SEMA3A: variants seen among roughly 807,000 people sequenced by gnomAD.
SEMA3A encodes semaphorin 3A, also known as semaphorin-3A.
Under a neutral mutation model 97.9 loss-of-function variants are expected in SEMA3A, and 29 were observed. The observed-to-expected ratio is 0.30, with a 90% CI of 0.22 to 0.40. SEMA3A has a LOEUF of 0.40. SEMA3A is among the 10% of genes least tolerant of loss of function. SEMA3A has a pLI of 1.00. For missense variants in SEMA3A, 763 were observed against 951.3 expected, an observed-to-expected ratio of 0.80 and a Z score of 2.60; for synonymous variants, 321 against 323.7, an observed-to-expected ratio of 0.99 and a Z score of 0.09.
chr7:84,477,438 CAAAAAAAA>C (rs11335984), intron 1 of SEMA3A, among the ~76,000 whole-genome samples: 1 of 42,376 alleles, frequency 2.4e-5, no homozygotes, highest in African/African-American at 7.0e-5. Flanking sequence ...GACTCTGTCT[CAAAAAAAA>C]AAAAAAAAAA....
At chr7:84,443,305 T>C (rs1417874060) in intron 1 of SEMA3A, among the ~76,000 whole-genome samples, 2 of 152,122 alleles carry the variant, frequency 1.3e-5, no homozygotes, top group Non-Finnish European at 2.9e-5. Context: ...TAACATGGAA[T>C]TAAAAGATAA....
intron 1 of SEMA3A, among the ~76,000 whole-genome samples, chr7:84,176,720 A>C (rs1056424610): frequency 6.6e-5 from 10 of 152,110 alleles, no homozygotes; most frequent in Admixed American, 2.0e-4. Context: ...ATTCAATCAC[A>C]TTTCCAAGCC....
At chr7:84,312,573 C>T (rs1401555995) in intron 2 of SEMA3A, among the ~76,000 whole-genome samples, 4 of 151,142 alleles carry the variant, frequency 2.6e-5, no homozygotes, top group Admixed American at 2.6e-4. Context: ...AATATATACA[C>T]ATTATTTACA....
At chr7:83,976,169 T>C (rs2116302003) in intron 15 of SEMA3A, among the ~76,000 whole-genome samples, 1 of 152,294 alleles carries the variant, frequency 6.6e-6, no homozygotes, top group Non-Finnish European at 1.5e-5. Context: ...ATCTGAATTT[T>C]AGAAAGTAAG....
In SEMA3A at chr7:84,315,522, A is replaced by G. The variant is rs112527620; in HGVS notation, c.-168-8230T>C. On this transcript the variant is annotated intron_variant, in intron 2 of 3. Transcript: ENST00000424555. The stretch of plus-strand genomic sequence containing the variant: ...CTCTGGTTAAAAACAGACTTCAAAT[A>G]GTTTATCTCTTTCTAAACTAATTAT... 3.3e-5 allele frequency among the ~76,000 whole-genome samples: 5 copies of G among 152,314 alleles called. 1 individual carries two copies. Among genetic ancestry groups the G allele is most frequent in the African/African-American group, 1.2e-4 (5 of 41,570 alleles).
intron 2 of SEMA3A, among the ~76,000 whole-genome samples, chr7:84,327,882 A>AT (rs1199809390): frequency 6.6e-6 from 1 of 151,960 alleles, no homozygotes; most frequent in East Asian, 1.9e-4. Context: ...TTTTCGCTAG[A>AT]TTTTTTAGCC....
At chr7:84,001,313 C>G (rs903572919) in intron 12 of SEMA3A, among the ~76,000 whole-genome samples, 1 of 151,824 alleles carries the variant, frequency 6.6e-6, no homozygotes, top group Non-Finnish European at 1.5e-5. Context: ...CTGCTTCCAC[C>G]CAACCCCCCT....
chr7:84,209,184 T>C (rs929572904), intron 3 of SEMA3A, among the ~76,000 whole-genome samples: 2 of 152,210 alleles, frequency 1.3e-5, no homozygotes, highest in African/African-American at 4.8e-5. Flanking sequence ...AAGAACATTG[T>C]GTAACCACTT....
At chr7:84,136,906 C>T (rs1251252265) in intron 1 of SEMA3A, among the ~76,000 whole-genome samples, 1 of 146,242 alleles carries the variant, frequency 6.8e-6, no homozygotes, top group Non-Finnish European at 1.5e-5. Context: ...TCTCCACACA[C>T]ACAAAAAAAA....
chr7:84,389,248 T>A (rs1803479106), intron 1 of SEMA3A, among the ~76,000 whole-genome samples: 1 of 151,968 alleles, frequency 6.6e-6, no homozygotes, highest in African/African-American at 2.4e-5. Flanking sequence ...TATATTGGAG[T>A]CATCCCACTC....
intron 15 of SEMA3A, among the ~76,000 whole-genome samples, chr7:83,971,198 G>A (rs1289534565): frequency 6.6e-6 from 1 of 152,166 alleles, no homozygotes; most frequent in Admixed American, 6.5e-5. Context: ...GCTGAGGAGG[G>A]TGGATCACCT....
chr7:84,275,035 T>A (rs769159204), intron 3 of SEMA3A, among the ~76,000 whole-genome samples: 13 of 152,096 alleles, frequency 8.5e-5, no homozygotes, highest in Admixed American at 2.0e-4. Flanking sequence ...ACTCTGCCAC[T>A]TAATAAGTCT....
At chr7:84,060,752 T>C (rs1793183287) in intron 4 of SEMA3A, among the ~76,000 whole-genome samples, 194 bp from the exon 5 acceptor site, 1 of 152,206 alleles carries the variant, frequency 6.6e-6, no homozygotes, top group South Asian at 2.1e-4. Context: ...AATATCTACT[T>C]AGCTTAATGA....
chr7:84,326,868 C>T (rs1315361396), intron 2 of SEMA3A, among the ~76,000 whole-genome samples: 1 of 151,874 alleles, frequency 6.6e-6, no homozygotes. Context: ...TATAAAAATC[C>T]TGGAAGACAA....
At chr7:84,035,904 A>C (rs1237333498) in intron 6 of SEMA3A, among the ~76,000 whole-genome samples, 1 of 152,092 alleles carries the variant, frequency 6.6e-6, no homozygotes, top group East Asian at 1.9e-4. Flanking sequence ...CAATCATATA[A>C]TCTAGAAATA....
chr7:84,065,988 T>C (rs901806413), intron 4 of SEMA3A, among the ~76,000 whole-genome samples: 2 of 151,498 alleles, frequency 1.3e-5, no homozygotes, highest in African/African-American at 2.4e-5. Context: ...TTTAGACCAA[T>C]ATCCTTGATG....
intron 1 of SEMA3A, among the ~76,000 whole-genome samples, chr7:84,431,396 G>T (rs1166036579): frequency 1.3e-5 from 2 of 151,942 alleles, no homozygotes; most frequent in African/African-American, 4.8e-5. Flanking sequence ...GATCTCATGA[G>T]TCTATTAGCC....
At chr7:84,437,266 T>C (rs1458265318) in intron 1 of SEMA3A, among the ~76,000 whole-genome samples, 1 of 152,022 alleles carries the variant, frequency 6.6e-6, no homozygotes, top group Non-Finnish European at 1.5e-5. Context: ...TGAACTGAAG[T>C]AGACGGAAAT....
At chr7:84,482,479 A>C (rs1806471987) in intron 1 of SEMA3A, among the ~76,000 whole-genome samples, 1 of 152,186 alleles carries the variant, frequency 6.6e-6, no homozygotes, top group Non-Finnish European at 1.5e-5. Context: ...AACATAGTAA[A>C]TGAAGCTAAA....
Sources: gnomAD v4.1 joint callset for allele counts (sites outside exome capture counted in the v4.1 genomes callset) on GRCh38, gnomAD v4.1.1 for gene constraint, MANE v1.5 for transcripts, NCBI Gene and HGNC (gene_info 2026-07-23, HGNC 2026-07-21) for gene names.